EBF1: variants seen among roughly 807,000 people sequenced by gnomAD.
The protein encoded by EBF1 is transcription factor COE1.
EBF1 carries 10 observed loss-of-function variants against 68.4 expected under a neutral mutation model. The observed-to-expected ratio is 0.15, with a 90% CI of 0.09 to 0.25. The LOEUF is 0.25. Ranked by LOEUF, EBF1 falls within the 10% of genes least tolerant of loss-of-function variation. The probability of loss-of-function intolerance (pLI) is 1.00; values close to 1 mark genes in which losing one functional copy is unlikely to be tolerated. For synonymous variants in EBF1, 298 were observed against 299.8 expected (o/e 0.99, Z 0.06); for missense variants, 509 against 794.4 (o/e 0.64, Z 4.32).
chr5:158,916,731 C>T (rs916136199), intron 6 of EBF1, among the ~76,000 whole-genome samples: 1 of 152,134 alleles, frequency 6.6e-6, no homozygotes, highest in South Asian at 2.1e-4. Context: ...TCAATGCTGG[C>T]CAAATTTAAT....
At chr5:158,771,047 T>C (rs1360482781) in intron 10 of EBF1, among the ~76,000 whole-genome samples, 3 of 152,106 alleles carry the variant, frequency 2.0e-5, no homozygotes, top group Non-Finnish European at 4.4e-5. Context: ...ATGAATGAAG[T>C]AACAAAAGGA....
At chr5:159,087,884 G>A (rs1780992467) in intron 4 of EBF1, among the ~76,000 whole-genome samples, 1 of 152,120 alleles carries the variant, frequency 6.6e-6, no homozygotes, top group African/African-American at 2.4e-5. Context: ...AAATAGTTAG[G>A]AACTCTAGGG....
intron 6 of EBF1, among the ~76,000 whole-genome samples, chr5:158,956,563 C>A (rs1014123845): frequency 2.0e-5 from 3 of 151,966 alleles, no homozygotes; most frequent in African/African-American, 7.3e-5. Context: ...AAATCACGAC[C>A]TTAAGGTCTT....
chr5:159,079,869 C>T (rs1439479596), intron 5 of EBF1, among the ~76,000 whole-genome samples: 2 of 152,090 alleles, frequency 1.3e-5, no homozygotes, highest in Admixed American at 6.6e-5. Flanking sequence ...CCCACCTCGG[C>T]CTCCCATAAT....
At chr5:158,934,349 C>CT (rs1412231266) in intron 6 of EBF1, among the ~76,000 whole-genome samples, 1 of 152,154 alleles carries the variant, frequency 6.6e-6, no homozygotes, top group African/African-American at 2.4e-5. Flanking sequence ...CAAGAGCAAT[C>CT]CCACCATCGC....
At chr5:159,030,784 A>G (rs1379103463) in intron 6 of EBF1, among the ~76,000 whole-genome samples, 2 of 152,202 alleles carry the variant, frequency 1.3e-5, no homozygotes, top group South Asian at 2.1e-4. Flanking sequence ...GAGGGTTCCA[A>G]TGAATGTGAG....
At chr5:159,041,678 T>C (rs1474866071) in intron 6 of EBF1, among the ~76,000 whole-genome samples, 2 of 152,346 alleles carry the variant, frequency 1.3e-5, no homozygotes, top group East Asian at 3.9e-4. Context: ...TCTAGCTGTG[T>C]GTGATGAACA....
intron 9 of EBF1, among the ~76,000 whole-genome samples, chr5:158,785,287 T>C (rs1777203634): frequency 6.6e-6 from 1 of 152,206 alleles, no homozygotes; most frequent in Non-Finnish European, 1.5e-5. Context: ...ATGCATCTTT[T>C]TGGAGTTAGA....
At chr5:158,990,627 C>A (rs1262017507) in intron 6 of EBF1, among the ~76,000 whole-genome samples, 1 of 152,180 alleles carries the variant, frequency 6.6e-6, no homozygotes, top group Non-Finnish European at 1.5e-5. Context: ...TTGTTTCCAG[C>A]CCCAATTCAA....
chr5:159,079,866 C>T (rs10476283), intron 5 of EBF1, among the ~76,000 whole-genome samples: 6,511 of 152,090 alleles, frequency 0.043, 262 homozygotes, highest in African/African-American at 0.11. Flanking sequence ...CTGCCCACCT[C>T]GGCCTCCCAT....
rs184579631 is a variant in EBF1, at chr5:158,759,034, C to T, written c.1036+18379G>A. Among the ~76,000 whole-genome samples, 6 of 152,282 alleles carry T rather than the reference C, an allele frequency of 3.9e-5. No homozygotes were observed. In the East Asian group the frequency reaches 7.7e-4, roughly 20 times the overall value. The stretch of plus-strand genomic sequence containing the variant: ...TTATAAATATTCTCTTCCCTTGGAA[C>T]CAATAAATCTTGAAAATTAAAAGAC... On this transcript the variant is annotated intron_variant, in intron 10 of 15. Transcript: ENST00000313708.
Position 158,833,137 on chromosome 5 carries a change from C to T in EBF1, c.636+6892G>A, listed in dbSNP as rs568434811. Among the ~76,000 whole-genome samples, 3 of 151,300 alleles carry T rather than the reference C, an allele frequency of 2.0e-5. No individual in the cohort carries two copies. The South Asian group carries it at 6.2e-4, about 32-fold the overall frequency. On this transcript the variant is annotated intron_variant, in intron 7 of 15. Coordinates refer to ENST00000313708, the MANE Select transcript of EBF1 (RefSeq NM_024007.5). ...TAAGAGAGGTTGTCTCCCTTCTCTA[C>T]TAAAAAAAAAATCTAAAAATTAGCC...
intron 11 of EBF1, among the ~76,000 whole-genome samples, chr5:158,716,768 C>A (rs1015762743): frequency 6.6e-6 from 1 of 152,108 alleles, no homozygotes; most frequent in African/African-American, 2.4e-5. Context: ...AGCCCCCAGG[C>A]GTGTTTGTGT....
At chr5:158,937,564 G>T (rs1037024532) in intron 6 of EBF1, among the ~76,000 whole-genome samples, 3 of 152,218 alleles carry the variant, frequency 2.0e-5, no homozygotes, top group African/African-American at 7.2e-5. Flanking sequence ...GTCACGCAAA[G>T]GGGTAGAGCA....
At chr5:158,939,143 T>C (rs1812708701) in intron 6 of EBF1, among the ~76,000 whole-genome samples, 2 of 152,250 alleles carry the variant, frequency 1.3e-5, no homozygotes, top group Non-Finnish European at 2.9e-5. Flanking sequence ...CGTGGGCACT[T>C]GGTGCTACTC....
chr5:159,000,720 G>A (rs374599373), intron 6 of EBF1, among the ~76,000 whole-genome samples: 6 of 152,068 alleles, frequency 3.9e-5, no homozygotes, highest in East Asian at 1.9e-4. Flanking sequence ...AACATAAATC[G>A]TTGATATTGT....
chr5:158,707,758 A>G (rs902685406), intron 15 of EBF1: 1 of 524,240 alleles, frequency 1.9e-6, no homozygotes, highest in African/African-American at 1.9e-5. Context: ...TGGAAAGAGG[A>G]CTTCTTGAGC....
intron 7 of EBF1, among the ~76,000 whole-genome samples, chr5:158,832,700 T>C (rs1019120332): frequency 2.6e-5 from 4 of 152,232 alleles, no homozygotes. Context: ...ATGTCAGGCA[T>C]GTATTTTAAG....
chr5:159,098,881 GAAAA>G (rs199650902), intron 1 of EBF1, among the ~76,000 whole-genome samples: 4 of 120,328 alleles, frequency 3.3e-5, no homozygotes, highest in African/African-American at 1.3e-4. Context: ...AAGGAGGAAA[GAAAA>G]AAAGAAAGAA....
Sources: allele counts gnomAD v4.1 joint callset (sites outside exome capture counted in the v4.1 genomes callset), GRCh38; gene constraint gnomAD v4.1.1; transcripts MANE v1.5; gene names NCBI Gene and HGNC (gene_info 2026-07-23, HGNC 2026-07-21).